Variants in RPL13A observed in about 807,000 individuals in gnomAD.
The protein encoded by RPL13A is ribosomal protein L13a, also known as large ribosomal subunit protein uL13.
RPL13A carries 4 observed loss-of-function variants against 30.8 expected under a neutral mutation model. The observed-to-expected ratio is 0.13, with a 90% CI of 0.06 to 0.30. RPL13A has a LOEUF of 0.30. Ranked by LOEUF, RPL13A falls within the 10% of genes least tolerant of loss-of-function variation. The pLI, the probability that RPL13A is intolerant of heterozygous loss-of-function variation, is 1.00. For missense variants in RPL13A, 196 were observed against 272.6 expected, an observed-to-expected ratio of 0.72 and a Z score of 1.98; for synonymous variants, 108 against 104.2, an observed-to-expected ratio of 1.04 and a Z score of -0.22.
chr19:49,491,065 C>A lies in RPL13A; in HGVS notation c.368C>A (p.Ala123Asp). ...AAAAAGCGGATGGTGGTTCCTGCTG[C>A]CCTCAAGGTCGTGCGTCTGAAGCCT... ...DKKKRMVVPA[A>D]LKVVRLKPTR... Residue 123 changes from alanine to aspartate, a missense_variant, in exon 6 of 8, where the codon GCC (alanine) becomes GAC (aspartate). Transcript: ENST00000391857. 6.2e-7 allele frequency: 1 copy of A among 1,614,238 alleles called. No homozygotes were observed. The highest frequency in any genetic ancestry group is 8.5e-7 in the Non-Finnish European group (1 of 1,180,034).
intron 1 of RPL13A, among the ~76,000 whole-genome samples, chr19:49,488,057 G>A (rs1428572510): frequency 6.6e-6 from 1 of 152,164 alleles, no homozygotes; most frequent in Non-Finnish European, 1.5e-5. Context: ...CAAAATGGAA[G>A]GTATTTTTAT....
intron 1 of RPL13A, among the ~76,000 whole-genome samples, chr19:49,488,639 G>A (rs2079833396): frequency 6.6e-6 from 1 of 152,234 alleles, no homozygotes; most frequent in African/African-American, 2.4e-5. Flanking sequence ...TTGTACCAAC[G>A]CTTACAAAGC....
At chr19:49,488,076 G>A (rs543790113) in intron 1 of RPL13A, among the ~76,000 whole-genome samples, 3 of 152,320 alleles carry the variant, frequency 2.0e-5, no homozygotes, top group African/African-American at 7.2e-5. Context: ...ATCCCGCTCA[G>A]TGCGCGGGCT....
rs1192252929 is a variant in RPL13A at position 49,491,494 on chromosome 19, G to A, written c.472G>A (p.Glu158Lys). The A allele has an allele frequency of 1.3e-6, 2 of 1,508,722 alleles. No individual in the cohort carries two copies. The highest frequency in any genetic ancestry group is 1.2e-5 in the South Asian group (1 of 84,410). The allele number at this position is 1,508,722 out of a possible 1,614,324, so 93.5% of individuals were successfully genotyped here. A position where few individuals can be genotyped will look rare whatever the true frequency, so the allele number is the denominator to read the frequency against. The change falls in exon 7 of 8, where the codon GAG (glutamate) becomes AAG (lysine). Residue 158 changes from glutamate (E) to lysine (K), a missense_variant. Glu to Lys is a moderately conservative substitution (Grantham distance 56). Coordinates refer to ENST00000391857, the MANE Select transcript of RPL13A (RefSeq NM_012423.4). ...CCAGGCAGTGACAGCCACCCTGGAG[G>A]AGAAGAGGAAAGAGAAAGCCAAGAT... ...KYQAVTATLE[E>K]KRKEKAKIHY... is the part of the protein sequence containing the mutation.
Position 49,491,650 on chromosome 19 carries a change from G to A in RPL13A, c.526-79G>A, listed in dbSNP as rs1045012208. ...CTTAACTGGCAAAGGACCAGCCGGG[G>A]TTGGGGTGGGATGCAGTCCATGTAA... On this transcript the variant is annotated intron_variant, in intron 7 of 7. Coordinates refer to ENST00000391857, the MANE Select transcript of RPL13A (RefSeq NM_012423.4). The A allele has an allele frequency of 3.2e-6, 5 of 1,575,728 alleles. No individual in the cohort carries two copies. The African/African-American group carries it at 4.0e-5, about 13-fold the overall frequency.
chr19:49,487,645 G>T lies in RPL13A; in HGVS notation c.15+1G>T, dbSNP rs747089637. 1.2e-5 allele frequency: 18 copies of T among 1,559,980 alleles called. No individual in the cohort carries two copies. The highest frequency in any genetic ancestry group is 2.4e-5 in the East Asian group (1 of 41,684). ...GCTGCCGAAGATGGCGGAGGTGCAG[G>T]TATGGGCTCCGCGCGGGCCGGGGCG... On this transcript the variant is annotated splice_donor_variant, in intron 1 of 7. Coordinates refer to ENST00000391857, the MANE Select transcript of RPL13A (RefSeq NM_012423.4). LOFTEE classifies it high-confidence loss of function.
At position 49,490,882 on chromosome 19, in the gene RPL13A, C is replaced by T. The variant is rs751914484; in HGVS notation, c.342+18C>T. The T allele has an allele frequency of 3.1e-6, 5 of 1,613,878 alleles. No individual in the cohort carries two copies. Among genetic ancestry groups the T allele is most frequent in the Non-Finnish European group, 4.2e-6 (5 of 1,179,752 alleles). ...ACGACAAGGTGAGCTATGCCAAACC[C>T]CACAGGCAGCGGCCTTACCTGTGGC... On this transcript the variant is annotated intron_variant, in intron 5 of 7. Coordinates refer to ENST00000391857, the MANE Select transcript of RPL13A (RefSeq NM_012423.4).
intron 1 of RPL13A, among the ~76,000 whole-genome samples, chr19:49,488,227 T>C (rs2079827871): frequency 6.6e-6 from 1 of 152,124 alleles, no homozygotes; most frequent in Non-Finnish European, 1.5e-5. Context: ...GTTTTGGGGA[T>C]TGGCGATTGT....
intron 6 of RPL13A, 70 bp downstream of exon 6, chr19:49,491,169 G>C (rs1289164656): frequency 6.5e-7 from 1 of 1,536,924 alleles, no homozygotes. Context: ...TGGGGACCTG[G>C]AGCCTGGCAG....
chr19:49,489,491 CAGTTTATT>C (rs1158216519), intron 1 of RPL13A, among the ~76,000 whole-genome samples: 3 of 152,186 alleles, frequency 2.0e-5, no homozygotes, highest in Non-Finnish European at 4.4e-5. Context: ...CCAAATCCTA[CAGTTTATT>C]AGTTACAAGG....
At position 49,491,901 on chromosome 19, in the gene RPL13A, C is replaced by T; in HGVS notation, c.*86C>T. 9.3e-7 allele frequency: 1 copy of T among 1,080,934 alleles called. No homozygotes were observed. Among genetic ancestry groups the T allele is most frequent in the African/African-American group, 1.5e-5 (1 of 65,314 alleles). The allele number at this position is 1,080,934 out of a possible 1,614,324, so 67.0% of individuals were successfully genotyped here. A position where few individuals can be genotyped will look rare whatever the true frequency, so the allele number is the denominator to read the frequency against. On this transcript the variant is annotated 3_prime_UTR_variant, in exon 8 of 8. Coordinates refer to ENST00000391857, the MANE Select transcript of RPL13A (RefSeq NM_012423.4). ...AATGTACGGGACCCAGGGGCAGCAGCAGTCCAGGTGCCACAGGCAGCCCTG... is the reference window on the plus strand; with the variant it reads ...AATGTACGGGACCCAGGGGCAGCAGTAGTCCAGGTGCCACAGGCAGCCCTG...
At position 49,490,144 on chromosome 19, in the gene RPL13A, G is replaced by A. The variant is rs534864956; in HGVS notation, c.89-88G>A. 21 of 1,295,522 alleles carry A rather than the reference G, an allele frequency of 1.6e-5. No homozygotes were observed. In the South Asian group the frequency reaches 2.0e-4, roughly 12 times the overall value. 80.3% of individuals were successfully genotyped at this position (1,295,522 alleles called of 1,614,324 possible). ...TTAAACAGGAACTTAGCTCTGGCAA[G>A]TACTGCGCTGTGTCTGGAGGGTGAC... On this transcript the variant is annotated intron_variant, in intron 2 of 7. Transcript: ENST00000391857.
At chr19:49,490,203 G>C (rs187072143) in intron 2 of RPL13A, 29 bp from the exon 3 acceptor site, 41 of 1,611,904 alleles carry the variant, frequency 2.5e-5, no homozygotes, top group Non-Finnish European at 3.4e-5. Flanking sequence ...CAGGCGGCTC[G>C]GCCCTGCTAA....
intron 1 of RPL13A, among the ~76,000 whole-genome samples, 159 bp from the exon 2 acceptor site, chr19:49,489,691 C>T (rs1193495696): frequency 1.3e-5 from 2 of 152,254 alleles, no homozygotes; most frequent in Admixed American, 1.3e-4. Context: ...GTCCCTGTTC[C>T]TCATCTGTAG....
chr19:49,487,908 C>T (rs1241952862), intron 1 of RPL13A, among the ~76,000 whole-genome samples: 1 of 152,110 alleles, frequency 6.6e-6, no homozygotes, highest in South Asian at 2.1e-4. Context: ...CTAGATTTTG[C>T]TTACCTTGAA....
At position 49,487,664 on chromosome 19, in the gene RPL13A, CG is replaced by C. The variant is rs747387781; in HGVS notation, c.15+24del. On this transcript the variant is annotated intron_variant, in intron 1 of 7. Transcript: ENST00000391857. ...GTGCAGGTATGGGCTCCGCGCGGGC[CG>C]GGGCGGCAAGGGGCCGGGTGGGATC... 4 of 1,525,650 alleles carry C rather than the reference CG, an allele frequency of 2.6e-6. No homozygotes were observed. The highest frequency in any genetic ancestry group is 3.5e-6 in the Non-Finnish European group (4 of 1,139,352). The allele number at this position is 1,525,650 out of a possible 1,614,324, so 94.5% of individuals were successfully genotyped here. A position where few individuals can be genotyped will look rare whatever the true frequency, so the allele number is the denominator to read the frequency against.
rs2079871325 is a variant in RPL13A at position 49,491,560 on chromosome 19, G to T, written c.525+13G>T. ...GAAACAGCTCATGGTGAGGCCAGGG[G>T]CTGGTGCTGAGGGGGGCATCTCACT... is the stretch of plus-strand genomic sequence containing the variant. On this transcript the variant is annotated intron_variant, in intron 7 of 7. Transcript: ENST00000391857. 1.9e-6 allele frequency: 3 copies of T among 1,552,644 alleles called. No homozygotes were observed. Among genetic ancestry groups the T allele is most frequent in the South Asian group, 1.2e-5 (1 of 85,096 alleles).
rs2079870659 is a variant in RPL13A at position 49,491,498 on chromosome 19, A to G, written c.476A>G (p.Lys159Arg). The G allele has an allele frequency of 6.7e-7, 1 of 1,503,208 alleles. No individual in the cohort carries two copies. Among genetic ancestry groups the G allele is most frequent in the Non-Finnish European group, 8.9e-7 (1 of 1,128,372 alleles). 93.1% of individuals were successfully genotyped at this position (1,503,208 alleles called of 1,614,324 possible). ...YQAVTATLEE[K>R]RKEKAKIHYR... ...GCAGTGACAGCCACCCTGGAGGAGA[A>G]GAGGAAAGAGAAAGCCAAGATCCAC... Residue 159 changes from lysine (K) to arginine (R), a missense_variant, in exon 7 of 8, where the codon AAG becomes AGG. Physicochemically the swap from Lys to Arg is conservative, Grantham distance 26 (BLOSUM62 2). Transcript: ENST00000391857.
At position 49,491,961 on chromosome 19, in the gene RPL13A, A is replaced by G. The variant is rs887814471; in HGVS notation, c.*146A>G. ...AAGCTGGGAGCAAGGAAAGGGTCTT[A>G]GTCACTGCCTCCCGAAGTTGCTTGA... On this transcript the variant is annotated 3_prime_UTR_variant, in exon 8 of 8. Coordinates refer to ENST00000391857, the MANE Select transcript of RPL13A (RefSeq NM_012423.4). The G allele has an allele frequency of 3.1e-6, 2 of 637,618 alleles. No individual in the cohort carries two copies. Among genetic ancestry groups the G allele is most frequent in the Admixed American group, 5.4e-5 (2 of 36,786 alleles). The allele number at this position is 637,618 out of a possible 1,614,324, so 39.5% of individuals were successfully genotyped here.
Sources: gnomAD v4.1 joint callset for allele counts (sites outside exome capture counted in the v4.1 genomes callset) on GRCh38, gnomAD v4.1.1 for gene constraint, MANE v1.5 for transcripts, NCBI Gene and HGNC (gene_info 2026-07-23, HGNC 2026-07-21) for gene names.